Variants in FYB1 observed in about 807,000 individuals in gnomAD.
FYB1 encodes the protein FYN binding protein 1.
FYB1 carries 41 observed loss-of-function variants against 94.1 expected under a neutral mutation model. That is an observed-to-expected ratio of 0.44 (90% CI 0.34 to 0.57). FYB1 has a LOEUF of 0.57. FYB1 is among the 20% of genes least tolerant of loss of function. The pLI is 0.02. For missense variants in FYB1, 1,050 were observed against 976.8 expected, an observed-to-expected ratio of 1.07 and a Z score of -1.00; for synonymous variants, 367 against 353.2, an observed-to-expected ratio of 1.04 and a Z score of -0.44.
rs1219008534 is a variant in FYB1 at position 39,202,315 on chromosome 5, T to C, written c.646A>G (p.Met216Val). ...TENSHEDESPMKNVSSSKGSP... is the reference protein window; with the variant it reads ...TENSHEDESPVKNVSSSKGSP... ...CCTTTTGATGAAGACACATTCTTCA[T>C]GGGGCTTTCGTCTTCATGGGAGTTC... is the stretch of plus-strand genomic sequence containing the variant. The change falls in exon 2 of 19, where the codon ATG (methionine) becomes GTG (valine). Residue 216 changes from methionine (M) to valine (V), a missense_variant. By Grantham distance (21) the Met-to-Val change is conservative. Coordinates refer to ENST00000512982, the MANE Select transcript of FYB1 (RefSeq NM_001465.6). 4 of 1,613,854 alleles carry C rather than the reference T, an allele frequency of 2.5e-6. No homozygotes were observed. The highest frequency in any genetic ancestry group is 3.4e-6 in the Non-Finnish European group (4 of 1,179,836).
At chr5:39,110,803 T>C (rs996061131) in intron 16 of FYB1, 1 of 373,124 alleles carries the variant, frequency 2.7e-6, no homozygotes, top group Non-Finnish European at 5.1e-6. Flanking sequence ...TAAGACTTAC[T>C]TTCTAAAATT....
At chr5:39,124,793 C>T (rs1740471648) in intron 12 of FYB1, among the ~76,000 whole-genome samples, 1 of 151,948 alleles carries the variant, frequency 6.6e-6, no homozygotes, top group East Asian at 1.9e-4. Flanking sequence ...GGAATATTTA[C>T]TTAAACCAGA....
chr5:39,270,740 A>C, intron 1 of FYB1: 78 of 515,318 alleles, frequency 1.5e-4, no homozygotes, highest in East Asian at 1.8e-4. Context: ...ATGTTATCTC[A>C]ACCCTCAGAG....
intron 13 of FYB1, among the ~76,000 whole-genome samples, chr5:39,123,156 T>G (rs1740286070): frequency 6.6e-6 from 1 of 152,132 alleles, no homozygotes; most frequent in Non-Finnish European, 1.5e-5. Context: ...TTGAAGAAAT[T>G]GCAAATATTT....
In FYB1 at chr5:39,113,812, G is replaced by A. The variant is rs114121853; in HGVS notation, c.2402-3423C>T. On this transcript the variant is annotated intron_variant, in intron 16 of 18. Coordinates refer to ENST00000512982, the MANE Select transcript of FYB1 (RefSeq NM_001465.6). ...ATTGCATAGATTTACCTAGGCAAGT[G>A]GAACAATGTCCAATTTCAGTGGAAA... Among the ~76,000 whole-genome samples, 469 of 152,020 alleles carry A rather than the reference G, an allele frequency of 3.1e-3. 3 individuals carry two copies. The highest frequency in any genetic ancestry group is 0.011 in the African/African-American group (442 of 41,450).
intron 1 of FYB1, among the ~76,000 whole-genome samples, chr5:39,241,570 G>T (rs1321348291): frequency 1.3e-5 from 2 of 152,142 alleles, no homozygotes; most frequent in Admixed American, 1.3e-4. Context: ...TAGGGGGAGT[G>T]CAGTCAACAT....
intron 2 of FYB1, among the ~76,000 whole-genome samples, chr5:39,188,897 T>C (rs574855826): frequency 1.3e-5 from 2 of 152,312 alleles, no homozygotes; most frequent in East Asian, 3.9e-4. Context: ...TGAAACTTGA[T>C]AGCTATTCCA....
Position 39,153,566 on chromosome 5 carries a change from G to C in FYB1, c.1174C>G (p.Leu392Val), listed in dbSNP as rs202066582. ...GGATGGGATGGTGGAGGTGGTGGCA[G>C]GGAAGTTGTTGAGTAAGACGTCTGG... is the stretch of plus-strand genomic sequence containing the variant. ...KGQTSYSTTS[L>V]PPPPPSHPAS... Residue 392 changes from leucine to valine, a missense_variant, in exon 3 of 19, where the codon CTG (leucine) becomes GTG (valine). Physicochemically the swap from Leu to Val is conservative, Grantham distance 32. Coordinates refer to ENST00000512982, the MANE Select transcript of FYB1 (RefSeq NM_001465.6). 3 of 1,613,842 alleles carry C rather than the reference G, an allele frequency of 1.9e-6. No individual in the cohort carries two copies. The East Asian group carries it at 6.7e-5, about 36-fold the overall frequency.
chr5:39,270,298 G>A (rs1156308745), intron 1 of FYB1, among the ~76,000 whole-genome samples: 1 of 152,052 alleles, frequency 6.6e-6, no homozygotes, highest in Non-Finnish European at 1.5e-5. Flanking sequence ...ATGAGGCAAA[G>A]ACAAAGAATG....
At chr5:39,108,026 T>A (rs1181990199) in intron 18 of FYB1, among the ~76,000 whole-genome samples, 1 of 152,032 alleles carries the variant, frequency 6.6e-6, no homozygotes. Context: ...AAGAAATAAA[T>A]AAGGTTTTTC....
chr5:39,127,902 T>G, intron 10 of FYB1, 95 bp from the exon 11 acceptor site: 1 of 1,138,828 alleles, frequency 8.8e-7, no homozygotes, highest in South Asian at 1.7e-5. Context: ...CTTATTTAAC[T>G]GCAGAGAGCA....
At chr5:39,249,235 G>T (rs1395098085) in intron 1 of FYB1, among the ~76,000 whole-genome samples, 1 of 152,190 alleles carries the variant, frequency 6.6e-6, no homozygotes, top group African/African-American at 2.4e-5. Context: ...CCTTACATGT[G>T]ATATCATGAA....
intron 1 of FYB1, among the ~76,000 whole-genome samples, chr5:39,236,426 C>A (rs266897): frequency 6.6e-6 from 1 of 151,840 alleles, no homozygotes; most frequent in Non-Finnish European, 1.5e-5. Context: ...AAATATAGGC[C>A]ATTAATGTAG....
At chr5:39,179,770 C>T (rs115783226) in intron 2 of FYB1, among the ~76,000 whole-genome samples, 2,809 of 152,158 alleles carry the variant, frequency 0.018, 82 homozygotes, top group African/African-American at 0.064. Flanking sequence ...TGAGTGACCA[C>T]GCCCAGCCCT....
chr5:39,122,434 C>T, intron 13 of FYB1, 32 bp from the exon 14 acceptor site: 2 of 1,317,366 alleles, frequency 1.5e-6, no homozygotes, highest in Non-Finnish European at 2.1e-6. Flanking sequence ...AAGGTTGAAA[C>T]ACTGTTAGTT....
At chr5:39,127,685 T>C in intron 11 of FYB1, 56 bp downstream of exon 11, 1 of 1,493,720 alleles carries the variant, frequency 6.7e-7, no homozygotes, top group South Asian at 1.4e-5. Flanking sequence ...AAATCAAAAC[T>C]AAATTTCAAT....
At chr5:39,235,660 G>A (rs1165227040) in intron 1 of FYB1, among the ~76,000 whole-genome samples, 1 of 151,666 alleles carries the variant, frequency 6.6e-6, no homozygotes, top group Non-Finnish European at 1.5e-5. Flanking sequence ...TCGTTAAGCA[G>A]TTTTTGAGCA....
chr5:39,118,934 G>A lies in FYB1; in HGVS notation c.2341C>T (p.Leu781=), dbSNP rs747397676. Residue 781 remains leucine, a synonymous_variant, in exon 16 of 19, where the codon CTA becomes TTA. Transcript: ENST00000512982. The part of the protein sequence containing the change: ...RDLQVKPGES[L]EVIQTTDDTK... ...TCATCTGTGGTTTGTATAACTTCTAGAGATTCACCAGGTTTTACCTGTAGA... is the reference window on the plus strand; with the variant it reads ...TCATCTGTGGTTTGTATAACTTCTAAAGATTCACCAGGTTTTACCTGTAGA... The A allele has an allele frequency of 2.5e-6, 4 of 1,571,258 alleles. No homozygotes were observed. Among genetic ancestry groups the A allele is most frequent in the Non-Finnish European group, 3.5e-6 (4 of 1,155,064 alleles).
intron 16 of FYB1, among the ~76,000 whole-genome samples, chr5:39,118,167 G>C (rs571103907): frequency 3.9e-5 from 6 of 152,116 alleles, no homozygotes; most frequent in Non-Finnish European, 5.9e-5. Context: ...GCCCCGCAAA[G>C]TGCTGGGATT....
Sources: allele counts gnomAD v4.1 joint callset (sites outside exome capture counted in the v4.1 genomes callset), GRCh38; gene constraint gnomAD v4.1.1; transcripts MANE v1.5; gene names NCBI Gene and HGNC (gene_info 2026-07-23, HGNC 2026-07-21).